Variants in TDRD6 observed in about 807,000 individuals in gnomAD.
TDRD6 encodes tudor domain containing 6, also known as tudor domain-containing protein 6.
In TDRD6, 186 loss-of-function variants were observed where a neutral mutation model predicts 157.5. The ratio of observed to expected loss-of-function variants is 1.18; its 90% CI spans 1.05 to 1.33. The LOEUF (loss-of-function observed/expected upper bound fraction) is 1.33, where lower values mean the gene tolerates loss of function less well. TDRD6 is among the 40% of genes most tolerant of loss of function. TDRD6 has a pLI of 0.00. For synonymous variants in TDRD6, 1,075 were observed against 945.2 expected (o/e 1.14, Z -2.52); for missense variants, 3,066 against 2,508.0 (o/e 1.22, Z -4.75).
Position 46,688,231 on chromosome 6 carries a change from C to A in TDRD6, c.103C>A (p.Leu35Met), listed in dbSNP as rs1170670240. The A allele has an allele frequency of 6.5e-7, 1 of 1,530,610 alleles. No homozygotes were observed. Among genetic ancestry groups the A allele is most frequent in the Non-Finnish European group, 8.7e-7 (1 of 1,145,698 alleles). The allele number at this position is 1,530,610 out of a possible 1,614,324, so 94.8% of individuals were successfully genotyped here. ...PDVIPVQLWG[L>M]VGERRGEYLR... ...TGTGATCCCGGTGCAGCTGTGGGGGCTGGTGGGCGAGCGGCGGGGCGAGTA... is the reference window on the plus strand; with the variant it reads ...TGTGATCCCGGTGCAGCTGTGGGGGATGGTGGGCGAGCGGCGGGGCGAGTA... The change falls in exon 1 of 4, where the codon CTG becomes ATG. Residue 35 changes from leucine to methionine, a missense_variant. Physicochemically the swap from Leu to Met is conservative, Grantham distance 15 (BLOSUM62 2). Transcript: ENST00000316081.
chr6:46,688,460 C>G lies in TDRD6; in HGVS notation c.332C>G (p.Ser111Trp), dbSNP rs1021257318. The G allele has an allele frequency of 6.5e-7, 1 of 1,543,726 alleles. No homozygotes were observed. Among genetic ancestry groups the G allele is most frequent in the African/African-American group, 1.4e-5 (1 of 73,142 alleles). Residue 111 changes from serine to tryptophan, a missense_variant, in exon 1 of 4, where the codon TCG (serine) becomes TGG (tryptophan). Physicochemically the swap from Ser to Trp is radical, Grantham distance 177. Coordinates refer to ENST00000316081, the MANE Select transcript of TDRD6 (RefSeq NM_001010870.3). ...CGCACCATCACGGCCGGAGCAGGCT[C>G]GCTGGCGCCTGGGCGCAGAGAGTTC... ...EGRTITAGAGSLAPGRREFFN... is the reference protein window; with the variant it reads ...EGRTITAGAGWLAPGRREFFN...
In TDRD6 at chr6:46,688,061, G is replaced by A. The variant is rs946673773; in HGVS notation, c.-68G>A. ...GCTGGGACTCGCCTTCAGGCGGCGC[G>A]GAGGATTTCGAGGCCCTGAGGCGCG... On this transcript the variant is annotated 5_prime_UTR_variant, in exon 1 of 4. Transcript: ENST00000316081. 37 of 1,409,264 alleles carry A rather than the reference G, an allele frequency of 2.6e-5. No homozygotes were observed. The highest frequency in any genetic ancestry group is 5.7e-5 in the East Asian group (2 of 35,072). The allele number at this position is 1,409,264 out of a possible 1,614,324, so 87.3% of individuals were successfully genotyped here.
At chr6:46,697,906 A>G in intron 2 of TDRD6, 92 bp from the exon 3 acceptor site, 2 of 618,518 alleles carry the variant, frequency 3.2e-6, no homozygotes, top group Non-Finnish European at 5.5e-6. Flanking sequence ...AATAATAATA[A>G]TAGTATTTCA....
rs1582542365 is a variant in TDRD6 at position 46,690,027 on chromosome 6, T to A, written c.1899T>A (p.Ile633=). ...TVLHKELVIH[I]LDKQDHQYVI... The stretch of plus-strand genomic sequence containing the variant: ...TCCACAAAGAATTAGTCATCCATAT[T>A]CTTGATAAACAGGATCATCAATATG... Residue 633 remains isoleucine, a synonymous_variant, in exon 1 of 4, where the codon ATT becomes ATA. Transcript: ENST00000316081. 10 of 1,614,020 alleles carry A rather than the reference T, an allele frequency of 6.2e-6. No homozygotes were observed. In the East Asian group the frequency reaches 2.2e-4, roughly 36 times the overall value.
rs1158383929 is a variant in TDRD6 at position 46,691,647 on chromosome 6, C to T, written c.3519C>T (p.Leu1173=). The change falls in exon 1 of 4, where the codon CTC becomes CTT. Residue 1173 remains leucine, a synonymous_variant. Coordinates refer to ENST00000316081, the MANE Select transcript of TDRD6 (RefSeq NM_001010870.3). The part of the protein sequence containing the change: ...DRIRKKESEV[L]CSTTETLEEK... ...TAAGAAAAAAAGAAAGTGAAGTCCTCTGTTCTACAACTGAAACTCTTGAAG... is the reference window on the plus strand; with the variant it reads ...TAAGAAAAAAAGAAAGTGAAGTCCTTTGTTCTACAACTGAAACTCTTGAAG... The T allele has an allele frequency of 1.2e-6, 2 of 1,613,044 alleles. No homozygotes were observed. Among genetic ancestry groups the T allele is most frequent in the Non-Finnish European group, 1.7e-6 (2 of 1,179,642 alleles).
At position 46,692,335 on chromosome 6, in the gene TDRD6, A is replaced by G; in HGVS notation, c.4207A>G (p.Arg1403Gly). 2 of 1,614,214 alleles carry G rather than the reference A, an allele frequency of 1.2e-6. No homozygotes were observed. Among genetic ancestry groups the G allele is most frequent in the Non-Finnish European group, 1.7e-6 (2 of 1,180,024 alleles). ...TGTGGTTCATACTAACAAAATAGGTAGGCTTGACCTTGTTAATGCAATATT... is the reference window on the plus strand; with the variant it reads ...TGTGGTTCATACTAACAAAATAGGTGGGCTTGACCTTGTTAATGCAATATT... ...VSVVHTNKIG[R>G]LDLVNAILPG... is the part of the protein sequence containing the mutation. Residue 1403 changes from arginine (R) to glycine (G), a missense_variant, in exon 1 of 4, where the codon AGG becomes GGG. Physicochemically the swap from Arg to Gly is moderately radical, Grantham distance 125. Coordinates refer to ENST00000316081, the MANE Select transcript of TDRD6 (RefSeq NM_001010870.3).
In TDRD6 at chr6:46,702,530, A is replaced by G. The variant is rs1296768127; in HGVS notation, c.*643A>G. ...ATTGGGGAAAGCATAGTAATATTAA[A>G]TGTTAGCTCTTATGTATTAGTCACT... is the stretch of plus-strand genomic sequence containing the variant. On this transcript the variant is annotated 3_prime_UTR_variant, in exon 4 of 4. Transcript: ENST00000316081. 1 of 152,150 alleles carries G rather than the reference A, an allele frequency of 6.6e-6. No homozygotes were observed. The highest frequency in any genetic ancestry group is 6.6e-5 in the Admixed American group (1 of 15,254). 9.4% of individuals were successfully genotyped at this position (152,150 alleles called of 1,614,324 possible). A position where few individuals can be genotyped will look rare whatever the true frequency, so the allele number is the denominator to read the frequency against.
chr6:46,701,240 C>A (rs1437642804), intron 3 of TDRD6, among the ~76,000 whole-genome samples: 2 of 151,956 alleles, frequency 1.3e-5, no homozygotes, highest in African/African-American at 2.4e-5. Context: ...AGATAAATAA[C>A]CCAAGATGAG....
chr6:46,684,590 G>A (rs982986794), upstream of TDRD6, among the ~76,000 whole-genome samples: 3 of 152,044 alleles, frequency 2.0e-5, no homozygotes, highest in Admixed American at 2.0e-4. Flanking sequence ...AGAATATTAT[G>A]TAAATAGAAT....
intron 3 of TDRD6, among the ~76,000 whole-genome samples, chr6:46,698,400 G>A (rs1311754482): frequency 6.6e-6 from 1 of 152,056 alleles, no homozygotes; most frequent in Non-Finnish European, 1.5e-5. Flanking sequence ...AACAATCACC[G>A]ATAATATACC....
At chr6:46,683,844 A>G (rs757342241), upstream of TDRD6, among the ~76,000 whole-genome samples, 7 of 152,108 alleles carry the variant, frequency 4.6e-5, no homozygotes, top group Non-Finnish European at 1.0e-4. Context: ...TTTATTATCC[A>G]TGTCACCCTG....
chr6:46,691,847 A>G lies in TDRD6; in HGVS notation c.3719A>G (p.Gln1240Arg), dbSNP rs1764334883. 6.3e-7 allele frequency: 1 copy of G among 1,599,500 alleles called. No homozygotes were observed. Among genetic ancestry groups the G allele is most frequent in the Non-Finnish European group, 8.5e-7 (1 of 1,176,616 alleles). Residue 1240 changes from glutamine to arginine, a missense_variant, in exon 1 of 4, where the codon CAA (glutamine) becomes CGA (arginine). Coordinates refer to ENST00000316081, the MANE Select transcript of TDRD6 (RefSeq NM_001010870.3). ...LTKTNLVTQY[Q>R]DSVGNKNSQV... ...AAAACAAACTTAGTCACTCAATATC[A>G]AGACTCTGTGGGAAATAAAAATAGT...
In TDRD6 at chr6:46,689,107, T is replaced by C. The variant is rs1310698080; in HGVS notation, c.979T>C (p.Tyr327His). 6.2e-7 allele frequency: 1 copy of C among 1,614,012 alleles called. No individual in the cohort carries two copies. Among genetic ancestry groups the C allele is most frequent in the East Asian group, 2.2e-5 (1 of 44,870 alleles). Reference protein sequence around the residue: ...CASCGLDGHWYRALLLETFRP... With the variant: ...CASCGLDGHWHRALLLETFRP... Reference sequence around the variant, plus strand: ...ATCCTGTGGCCTGGATGGACATTGGTACAGAGCACTGTTGCTTGAGACTTT... The same window carrying C: ...ATCCTGTGGCCTGGATGGACATTGGCACAGAGCACTGTTGCTTGAGACTTT... Residue 327 changes from tyrosine to histidine, a missense_variant, in exon 1 of 4, where the codon TAC becomes CAC. Physicochemically the swap from Tyr to His is moderately conservative, Grantham distance 83 (BLOSUM62 2). Coordinates refer to ENST00000316081, the MANE Select transcript of TDRD6 (RefSeq NM_001010870.3).
At position 46,691,369 on chromosome 6, in the gene TDRD6, A is replaced by G. The variant is rs750147909; in HGVS notation, c.3241A>G (p.Ile1081Val). 7 of 1,613,914 alleles carry G rather than the reference A, an allele frequency of 4.3e-6. No individual in the cohort carries two copies. The highest frequency in any genetic ancestry group is 4.0e-5 in the African/African-American group (3 of 74,926). ...YVVTSDDLLP[I>V]PSDAYDVLLL... ...AGTAACAAGTGATGATCTGCTTCCA[A>G]TACCTAGTGATGCATATGATGTCTT... The change falls in exon 1 of 4, where the codon ATA becomes GTA. Residue 1081 changes from isoleucine to valine, a missense_variant. Transcript: ENST00000316081.
the TDRD6 span, among the ~76,000 whole-genome samples, chr6:46,681,224 T>C: frequency 6.6e-6 from 1 of 152,238 alleles, no homozygotes; most frequent in Non-Finnish European, 1.5e-5. Context: ...TTTTTTACCA[T>C]ATTAAATGCT....
In TDRD6 at chr6:46,693,231, T is replaced by A; in HGVS notation, c.5103T>A (p.Thr1701=). The change falls in exon 1 of 4, where the codon ACT becomes ACA. Residue 1701 remains threonine (T), a synonymous_variant. Transcript: ENST00000316081. ...INEKMEKYSK[T]GIKSALPYEN... is the part of the protein sequence containing the mutation. The stretch of plus-strand genomic sequence containing the variant: ...AGAAAATGGAGAAATATTCTAAGAC[T>A]GGTATTAAAAGTGCTCTTCCCTATG... The A allele has an allele frequency of 1.9e-6, 3 of 1,613,170 alleles. No homozygotes were observed. The highest frequency in any genetic ancestry group is 2.5e-6 in the Non-Finnish European group (3 of 1,179,766).
intron 3 of TDRD6, 115 bp downstream of exon 3, chr6:46,698,202 G>A: frequency 1.5e-6 from 1 of 665,674 alleles, no homozygotes; most frequent in East Asian, 2.7e-5. Context: ...AAAATCCTGT[G>A]ACAATAGTTA....
Position 46,687,988 on chromosome 6 carries a change from G to GC in TDRD6, c.-139dup. 7.7e-7 allele frequency: 1 copy of GC among 1,297,096 alleles called. No individual in the cohort carries two copies. The highest frequency in any genetic ancestry group is 1.0e-6 in the Non-Finnish European group (1 of 1,001,310). The allele number at this position is 1,297,096 out of a possible 1,614,324, so 80.3% of individuals were successfully genotyped here. A position where few individuals can be genotyped will look rare whatever the true frequency, so the allele number is the denominator to read the frequency against. On this transcript the variant is annotated 5_prime_UTR_variant, in exon 1 of 4. Coordinates refer to ENST00000316081, the MANE Select transcript of TDRD6 (RefSeq NM_001010870.3). ...TCGACGGGGGAGTTGCCGAGAAAAG[G>GC]CCTCGCCGGCATTCTTCCCCTCCAC...
rs1764695523 is a variant in TDRD6, at chr6:46,704,107, G to A, written c.*2220G>A. The A allele has an allele frequency of 6.3e-6, 1 of 158,570 alleles. No homozygotes were observed. Among genetic ancestry groups the A allele is most frequent in the Non-Finnish European group, 1.4e-5 (1 of 71,782 alleles). The allele number at this position is 158,570 out of a possible 1,614,324, so 9.8% of individuals were successfully genotyped here. ...CAAATTCTACCTAGAATATCATGTT[G>A]CTATAATTAAACTCCACTGCCCATA... On this transcript the variant is annotated 3_prime_UTR_variant, in exon 4 of 4. Coordinates refer to ENST00000316081, the MANE Select transcript of TDRD6 (RefSeq NM_001010870.3).
Sources: gnomAD v4.1 joint callset for allele counts (sites outside exome capture counted in the v4.1 genomes callset) on GRCh38, gnomAD v4.1.1 for gene constraint, MANE v1.5 for transcripts, NCBI Gene and HGNC (gene_info 2026-07-23, HGNC 2026-07-21) for gene names.